Variants in ALCAM observed in about 807,000 individuals in gnomAD.
ALCAM encodes the protein CD166 antigen.
In ALCAM, 30 loss-of-function variants were observed where a neutral mutation model predicts 70.9. The ratio of observed to expected loss-of-function variants is 0.42; its 90% CI spans 0.32 to 0.57. ALCAM has a LOEUF of 0.57. Among genes scored for constraint, ALCAM ranks in the 20% least tolerant of loss-of-function variants. The pLI, the probability that ALCAM is intolerant of heterozygous loss-of-function variation, is 0.11. For missense variants in ALCAM, 591 were observed against 695.1 expected (o/e 0.85, Z 1.68); for synonymous variants, 249 against 242.5 (o/e 1.03, Z -0.25).
intron 1 of ALCAM, among the ~76,000 whole-genome samples, chr3:105,497,763 C>T (rs762213655): frequency 2.5e-4 from 38 of 152,154 alleles, no homozygotes; most frequent in African/African-American, 7.9e-4. Flanking sequence ...TGGGTGAGGT[C>T]GCTCACGCCT....
At chr3:105,485,363 G>T (rs1366651143) in intron 1 of ALCAM, among the ~76,000 whole-genome samples, 2 of 146,222 alleles carry the variant, frequency 1.4e-5, no homozygotes, top group African/African-American at 5.2e-5. Flanking sequence ...TGAGATTCCA[G>T]ACAGAACTAC....
intron 1 of ALCAM, among the ~76,000 whole-genome samples, chr3:105,390,323 T>A (rs1366051404): frequency 6.6e-6 from 1 of 152,138 alleles, no homozygotes; most frequent in Non-Finnish European, 1.5e-5. Context: ...ATTGTGGTTT[T>A]GATTTGCATT....
At chr3:105,543,322 A>G (rs1940169294) in intron 8 of ALCAM, among the ~76,000 whole-genome samples, 1 of 151,736 alleles carries the variant, frequency 6.6e-6, no homozygotes, top group African/African-American at 2.4e-5. Flanking sequence ...TAGTGCATTT[A>G]ATTAGATTTA....
chr3:105,486,278 C>T (rs1938425431), intron 1 of ALCAM, among the ~76,000 whole-genome samples: 1 of 152,022 alleles, frequency 6.6e-6, no homozygotes, highest in African/African-American at 2.4e-5. Flanking sequence ...TAAAGTGCAG[C>T]TTGATGTTTT....
intron 1 of ALCAM, among the ~76,000 whole-genome samples, chr3:105,393,467 A>C (rs1559775919): frequency 6.6e-6 from 1 of 151,874 alleles, no homozygotes; most frequent in Non-Finnish European, 1.5e-5. Flanking sequence ...AAGATTGTTG[A>C]ACCACACTTA....
intron 7 of ALCAM, 23 bp downstream of exon 7, chr3:105,540,125 A>C: frequency 3.7e-6 from 6 of 1,602,482 alleles, no homozygotes; most frequent in Non-Finnish European, 5.1e-6. Flanking sequence ...GTATTACTTC[A>C]GTTGGATGAC....
chr3:105,433,584 C>G (rs997062699), intron 1 of ALCAM, among the ~76,000 whole-genome samples: 2 of 151,448 alleles, frequency 1.3e-5, no homozygotes, highest in Non-Finnish European at 2.9e-5. Context: ...GGGATTGAAT[C>G]TACCAATTAA....
At position 105,575,653 on chromosome 3, in the gene ALCAM, A is replaced by G. The variant is rs1397107776; in HGVS notation, c.*1202A>G. 1.3e-5 allele frequency: 2 copies of G among 152,466 alleles called. No homozygotes were observed. Among genetic ancestry groups the G allele is most frequent in the Non-Finnish European group, 2.9e-5 (2 of 68,008 alleles). The allele number at this position is 152,466 out of a possible 1,614,324, so 9.4% of individuals were successfully genotyped here. ...TGTTTTATGCTTGAGGAAATTTTTA[A>G]GGTGGTAGTATAAATGGAAACTTTT... On this transcript the variant is annotated 3_prime_UTR_variant, in exon 16 of 16. Transcript: ENST00000306107.
At chr3:105,529,517 A>G (rs1292289002) in intron 3 of ALCAM, among the ~76,000 whole-genome samples, 1 of 152,182 alleles carries the variant, frequency 6.6e-6, no homozygotes, top group Non-Finnish European at 1.5e-5. Flanking sequence ...TACATAGTTA[A>G]TATAGAGGAC....
chr3:105,487,965 C>T (rs181083154), intron 1 of ALCAM, among the ~76,000 whole-genome samples: 9 of 152,192 alleles, frequency 5.9e-5, no homozygotes, highest in East Asian at 3.9e-4. Context: ...TCTCCAATGT[C>T]GGAAGTGGGA....
At chr3:105,554,852 A>G (rs1291685304) in intron 14 of ALCAM, among the ~76,000 whole-genome samples, 3 of 152,054 alleles carry the variant, frequency 2.0e-5, no homozygotes, top group East Asian at 3.9e-4. Context: ...GGGTATTTTC[A>G]TTTTATTATG....
chr3:105,558,844 C>A (rs1461192924), intron 14 of ALCAM, among the ~76,000 whole-genome samples: 1 of 152,044 alleles, frequency 6.6e-6, no homozygotes, highest in Non-Finnish European at 1.5e-5. Flanking sequence ...TATCCTCACA[C>A]CAGCTCTACG....
intron 1 of ALCAM, among the ~76,000 whole-genome samples, chr3:105,408,252 A>AAAGCAAGACT (rs1936298892): frequency 6.6e-6 from 1 of 151,224 alleles, no homozygotes; most frequent in East Asian, 1.9e-4. Flanking sequence ...CCACATAGCC[A>AAAGCAAGACT]AAGCAAAAAG....
intron 1 of ALCAM, among the ~76,000 whole-genome samples, chr3:105,369,236 G>A (rs1484875503): frequency 6.6e-6 from 1 of 152,174 alleles, no homozygotes; most frequent in Non-Finnish European, 1.5e-5. Context: ...TTTCGGTGCC[G>A]TCACAGGCGG....
At chr3:105,438,255 C>T (rs564985432) in intron 1 of ALCAM, among the ~76,000 whole-genome samples, 1 of 152,076 alleles carries the variant, frequency 6.6e-6, no homozygotes, top group South Asian at 2.1e-4. Context: ...CTATATTATA[C>T]AACTTTATAC....
At position 105,563,667 on chromosome 3, in the gene ALCAM, C is replaced by CTTTTTTT. The variant is rs749625480; in HGVS notation, c.1665-8160_1665-8154dup. Among the ~76,000 whole-genome samples, 363 of 52,038 alleles carry CTTTTTTT rather than the reference C, an allele frequency of 7.0e-3. 57 individuals are homozygous for CTTTTTTT. Among genetic ancestry groups the CTTTTTTT allele is most frequent in the African/African-American group, 0.017 (166 of 9,892 alleles). The allele number at this position is 52,038 out of a possible 152,430, so 34.1% of individuals were successfully genotyped here. A position where few individuals can be genotyped will look rare whatever the true frequency, so the allele number is the denominator to read the frequency against. ...GACCTGTATGAAATTCCAAGCATTT[C>CTTTTTTT]TTTTTTTTTTTTTTTTTTTTTTTTT... is the stretch of plus-strand genomic sequence containing the variant. On this transcript the variant is annotated intron_variant, in intron 14 of 15. Coordinates refer to ENST00000306107, the MANE Select transcript of ALCAM (RefSeq NM_001627.4).
rs774207729 is a variant in ALCAM, at chr3:105,552,149, A to G, written c.1513A>G (p.Ile505Val). Residue 505 changes from isoleucine (I) to valine (V), a missense_variant, in exon 13 of 16, where the codon ATT (isoleucine) becomes GTT (valine). By Grantham distance (29) the Ile-to-Val change is conservative. Coordinates refer to ENST00000306107, the MANE Select transcript of ALCAM (RefSeq NM_001627.4). The part of the protein sequence containing the change: ...VNSLNVSAIS[I>V]PEHDEADEIS... Reference sequence around the variant, plus strand: ...ATTAACATTTTTCATTTCAGTAAGTATTCCAGAACACGATGAGGCAGACGA... The same window carrying G: ...ATTAACATTTTTCATTTCAGTAAGTGTTCCAGAACACGATGAGGCAGACGA... 45 of 1,599,578 alleles carry G rather than the reference A, an allele frequency of 2.8e-5. No homozygotes were observed. The highest frequency in any genetic ancestry group is 3.7e-5 in the Non-Finnish European group (43 of 1,174,614).
intron 1 of ALCAM, among the ~76,000 whole-genome samples, chr3:105,384,709 T>C (rs1402481041): frequency 6.6e-6 from 1 of 151,598 alleles, no homozygotes; most frequent in African/African-American, 2.4e-5. Context: ...CTGTACTCCA[T>C]GTAAAATAGT....
At chr3:105,384,643 A>G (rs1377799136) in intron 1 of ALCAM, among the ~76,000 whole-genome samples, 1 of 151,584 alleles carries the variant, frequency 6.6e-6, no homozygotes, top group Non-Finnish European at 1.5e-5. Context: ...TTGTCCAGAT[A>G]AACCAATATA....
Sources: allele counts gnomAD v4.1 joint callset (sites outside exome capture counted in the v4.1 genomes callset), GRCh38; gene constraint gnomAD v4.1.1; transcripts MANE v1.5; gene names NCBI Gene and HGNC (gene_info 2026-07-23, HGNC 2026-07-21).